The following DZIP1L variants were observed in gnomAD, a reference collection of about 807,000 sequenced individuals.
DZIP1L encodes the protein cilium assembly protein DZIP1L.
Under a neutral mutation model 88.7 loss-of-function variants are expected in DZIP1L, and 90 were observed. That is an observed-to-expected ratio of 1.02 (90% CI 0.86 to 1.21). The LOEUF is 1.21. Ranked by LOEUF, DZIP1L falls within the 50% of genes most tolerant of loss-of-function variation. The probability of loss-of-function intolerance (pLI) is 0.00; values close to 1 mark genes in which losing one functional copy is unlikely to be tolerated. For synonymous variants in DZIP1L, 363 were observed against 372.1 expected (o/e 0.98, Z 0.28); for missense variants, 932 against 955.8 (o/e 0.98, Z 0.33).
chr3:138,068,415 C>A, intron 12 of DZIP1L, 48 bp from the exon 13 acceptor site: 1 of 1,398,554 alleles, frequency 7.2e-7, no homozygotes, highest in South Asian at 1.6e-5. Context: ...CATGCTGGAT[C>A]TCAAGCCTAA....
At chr3:138,098,980 TA>T in intron 2 of DZIP1L, among the ~76,000 whole-genome samples, 1 of 151,988 alleles carries the variant, frequency 6.6e-6, no homozygotes, top group Admixed American at 6.6e-5. Flanking sequence ...ACCCTGTCTC[TA>T]AAAAAATTAG....
chr3:138,065,770 CA>C (rs1205966159), intron 14 of DZIP1L, among the ~76,000 whole-genome samples: 1 of 152,162 alleles, frequency 6.6e-6, no homozygotes, highest in Non-Finnish European at 1.5e-5. Flanking sequence ...CTTGGAAAGA[CA>C]AAACTCTAAA....
chr3:138,093,490 C>T (rs942344545), intron 4 of DZIP1L, among the ~76,000 whole-genome samples: 19 of 152,134 alleles, frequency 1.2e-4, no homozygotes, highest in East Asian at 9.6e-4. Flanking sequence ...GTATTAGACC[C>T]TAAAAAGAGA....
In DZIP1L at chr3:138,092,939, C is replaced by T. The variant is rs553841864; in HGVS notation, c.709-395G>A. 1.9e-4 allele frequency among the ~76,000 whole-genome samples: 29 copies of T among 152,290 alleles called. No homozygotes were observed. In the South Asian group the frequency reaches 3.9e-3, roughly 21 times the overall value. On this transcript the variant is annotated intron_variant, in intron 4 of 15. Coordinates refer to ENST00000327532, the MANE Select transcript of DZIP1L (RefSeq NM_173543.3). ...GTCTTGAATCCCTCAAAGTCATCCA[C>T]GATGGCTAGAATCAATTTCATCCAA...
chr3:138,077,033 A>C (rs552984225), intron 11 of DZIP1L, among the ~76,000 whole-genome samples: 2 of 152,340 alleles, frequency 1.3e-5, no homozygotes, highest in Admixed American at 1.3e-4. Context: ...CAAAAAAAAA[A>C]ACAAATAATT....
chr3:138,079,201 C>T (rs1943538714), intron 10 of DZIP1L, among the ~76,000 whole-genome samples: 1 of 152,228 alleles, frequency 6.6e-6, no homozygotes, highest in South Asian at 2.1e-4. Flanking sequence ...GCCACAGGAT[C>T]CCCTGACTCA....
chr3:138,069,578 G>A (rs56264502), intron 12 of DZIP1L, among the ~76,000 whole-genome samples: 1 of 152,294 alleles, frequency 6.6e-6, no homozygotes, highest in African/African-American at 2.4e-5. Context: ...CCTGCTGGGG[G>A]AAAATAACAA....
chr3:138,082,139 C>T (rs1041760446), intron 8 of DZIP1L, among the ~76,000 whole-genome samples: 18 of 152,326 alleles, frequency 1.2e-4, no homozygotes, highest in Middle Eastern at 3.4e-3. Flanking sequence ...ACAATGCGGG[C>T]GTCTGAGCAG....
At chr3:138,065,253 C>A (rs17282635) in intron 14 of DZIP1L, among the ~76,000 whole-genome samples, 6,936 of 152,244 alleles carry the variant, frequency 0.046, 252 homozygotes, top group South Asian at 0.064. Flanking sequence ...TGATGCCTGG[C>A]ACACCAAGGT....
intron 12 of DZIP1L, chr3:138,068,838 G>A: frequency 9.0e-7 from 1 of 1,116,544 alleles, no homozygotes; most frequent in Non-Finnish European, 1.1e-6. Flanking sequence ...GGGCAAGGCA[G>A]TACCAAGGCA....
Position 138,084,220 on chromosome 3 carries a change from G to A in DZIP1L, c.1096C>T (p.Leu366=). Residue 366 remains leucine, a synonymous_variant, in exon 8 of 16, where the codon CTG becomes TTG. Coordinates refer to ENST00000327532, the MANE Select transcript of DZIP1L (RefSeq NM_173543.3). ...QEENQRLQAS[L]SQDQKKAAAQ... Reference sequence around the variant, plus strand: ...GCTGCCTTCTTCTGATCCTGAGACAGGGAGGCCTGGAGCCTCTGGTTCTCC... The same window carrying A: ...GCTGCCTTCTTCTGATCCTGAGACAAGGAGGCCTGGAGCCTCTGGTTCTCC... 1 of 1,614,130 alleles carries A rather than the reference G, an allele frequency of 6.2e-7. No individual in the cohort carries two copies. Among genetic ancestry groups the A allele is most frequent in the South Asian group, 1.1e-5 (1 of 91,084 alleles).
At position 138,063,673 on chromosome 3, in the gene DZIP1L, T is replaced by G. The variant is rs1360320928; in HGVS notation, c.2143-696A>C. 2.6e-5 allele frequency among the ~76,000 whole-genome samples: 4 copies of G among 152,220 alleles called. No homozygotes were observed. Among genetic ancestry groups the G allele is most frequent in the African/African-American group, 9.6e-5 (4 of 41,464 alleles). Reference sequence around the variant, plus strand: ...CCGACCAATCAGAACCCATGCAGGGTGCAGGGCAGCAAGCATGCTCTGAGC... The same window carrying G: ...CCGACCAATCAGAACCCATGCAGGGGGCAGGGCAGCAAGCATGCTCTGAGC... On this transcript the variant is annotated intron_variant, in intron 15 of 15. Coordinates refer to ENST00000327532, the MANE Select transcript of DZIP1L (RefSeq NM_173543.3). The surrounding 1 kb of genome is among the most constrained non-coding windows in gnomAD (Gnocchi z 4.1).
rs565491773 is a variant in DZIP1L, at chr3:138,109,614, T to C, written c.-81-5562A>G. On this transcript the variant is annotated intron_variant, in intron 1 of 15. Transcript: ENST00000327532. ...CCCAGCAATCCCATTACTGTGTAGG[T>C]ACCCAAAGGATTATAAATCATTCTA... 2.6e-5 allele frequency among the ~76,000 whole-genome samples: 4 copies of C among 152,316 alleles called. No individual in the cohort carries two copies. The East Asian group carries it at 7.7e-4, about 29-fold the overall frequency.
chr3:138,101,903 G>C lies in DZIP1L; in HGVS notation c.501+1568C>G. On this transcript the variant is annotated intron_variant, in intron 2 of 15. Transcript: ENST00000327532. Reference sequence around the variant, plus strand: ...TTGGCGTTGGCATCCTTAATGGCCAGCTCCCCACGTTGCTCGGCATCTGCG... The same window carrying C: ...TTGGCGTTGGCATCCTTAATGGCCACCTCCCCACGTTGCTCGGCATCTGCG... 4.1e-6 allele frequency: 6 copies of C among 1,447,640 alleles called. No homozygotes were observed. In the South Asian group the frequency reaches 5.7e-5, roughly 14 times the overall value. The allele number at this position is 1,447,640 out of a possible 1,614,324, so 89.7% of individuals were successfully genotyped here.
chr3:138,087,399 A>T (rs1943995499), intron 6 of DZIP1L, among the ~76,000 whole-genome samples: 1 of 152,232 alleles, frequency 6.6e-6, no homozygotes, highest in Non-Finnish European at 1.5e-5. Context: ...CCATAAAGAA[A>T]ATACGAATAA....
intron 11 of DZIP1L, among the ~76,000 whole-genome samples, chr3:138,075,402 G>A (rs1943360573): frequency 6.6e-6 from 1 of 152,108 alleles, no homozygotes; most frequent in Non-Finnish European, 1.5e-5. Flanking sequence ...CCAGATGATA[G>A]GCCACAAAAC....
chr3:138,091,593 G>A (rs963794406), intron 5 of DZIP1L, among the ~76,000 whole-genome samples: 1 of 144,268 alleles, frequency 6.9e-6, no homozygotes, highest in Non-Finnish European at 1.5e-5. Flanking sequence ...ACTCCAGCCT[G>A]GGCGACACAG....
chr3:138,092,309 G>C lies in DZIP1L; in HGVS notation c.870+74C>G, dbSNP rs1576477627. On this transcript the variant is annotated intron_variant, in intron 5 of 15. Transcript: ENST00000327532. ...TCCAACAGCAGATGAAATAAAACCA[G>C]TACAAACTAAGAAATTTTGAGAATA... 2.8e-6 allele frequency: 4 copies of C among 1,438,296 alleles called. No individual in the cohort carries two copies. In the East Asian group the frequency reaches 9.9e-5, roughly 36 times the overall value. The allele number at this position is 1,438,296 out of a possible 1,614,324, so 89.1% of individuals were successfully genotyped here.
chr3:138,096,544 C>T (rs1418883491), intron 3 of DZIP1L, among the ~76,000 whole-genome samples: 2 of 152,128 alleles, frequency 1.3e-5, no homozygotes, highest in Non-Finnish European at 2.9e-5. Context: ...TATATGTCTA[C>T]GGAAAAACAA....
Sources: gnomAD v4.1 joint callset for allele counts (sites outside exome capture counted in the v4.1 genomes callset) on GRCh38, gnomAD v4.1.1 for gene constraint, Gnocchi (gnomAD v3.1) non-coding constraint, MANE v1.5 for transcripts, NCBI Gene and HGNC (gene_info 2026-07-23, HGNC 2026-07-21) for gene names.